Variants in PEAK1 observed in about 807,000 individuals in gnomAD.
PEAK1 encodes the protein pseudopodium enriched atypical kinase 1.
In PEAK1, 54 loss-of-function variants were observed where a neutral mutation model predicts 124.7. The observed-to-expected ratio is 0.43, with a 90% CI of 0.35 to 0.54. PEAK1 has a LOEUF of 0.54. Among genes scored for constraint, PEAK1 ranks in the 20% least tolerant of loss-of-function variants. The probability of loss-of-function intolerance (pLI) is 0.01; values close to 1 mark genes in which losing one functional copy is unlikely to be tolerated. For missense variants in PEAK1, 2,046 were observed against 2,134.5 expected (o/e 0.96, Z 0.82); for synonymous variants, 719 against 760.0 (o/e 0.95, Z 0.89).
At chr15:77,116,608 A>C (rs758618962) in intron 9 of PEAK1, among the ~76,000 whole-genome samples, 2 of 151,676 alleles carry the variant, frequency 1.3e-5, no homozygotes, top group Non-Finnish European at 2.9e-5. Context: ...GGAGAAAAGC[A>C]TCTCTCTCTC....
chr15:77,266,853 G>C (rs112813951), intron 5 of PEAK1, among the ~76,000 whole-genome samples: 8 of 152,254 alleles, frequency 5.3e-5, no homozygotes, highest in East Asian at 1.9e-4. Context: ...GAGCTGGATT[G>C]CTGCTGTAGG....
chr15:77,388,696 C>T (rs994476601), intron 1 of PEAK1, among the ~76,000 whole-genome samples: 13 of 151,818 alleles, frequency 8.6e-5, no homozygotes, highest in Non-Finnish European at 1.6e-4. Context: ...GTTAAATATA[C>T]ATAATGTTTC....
intron 8 of PEAK1, among the ~76,000 whole-genome samples, chr15:77,149,940 G>A (rs1258704233): frequency 6.6e-6 from 1 of 151,976 alleles, no homozygotes; most frequent in Non-Finnish European, 1.5e-5. Flanking sequence ...TGTAGAGATG[G>A]GGTTTTGCCA....
At chr15:77,332,226 T>C (rs1377538920) in intron 2 of PEAK1, 4 of 983,502 alleles carry the variant, frequency 4.1e-6, no homozygotes, top group Non-Finnish European at 4.8e-6. Flanking sequence ...GAGTCCTTTT[T>C]TGACAAAACA....
At chr15:77,226,431 AGTTC>A (rs2059681180) in intron 6 of PEAK1, among the ~76,000 whole-genome samples, 1 of 151,960 alleles carries the variant, frequency 6.6e-6, no homozygotes, top group South Asian at 2.1e-4. Flanking sequence ...TTATGTCCCA[AGTTC>A]ATGATATACC....
At chr15:77,151,684 T>G (rs1394729180) in intron 8 of PEAK1, among the ~76,000 whole-genome samples, 1 of 152,214 alleles carries the variant, frequency 6.6e-6, no homozygotes, top group Non-Finnish European at 1.5e-5. Flanking sequence ...AATTAATTTT[T>G]GTATAAGGTG....
intron 1 of PEAK1, among the ~76,000 whole-genome samples, chr15:77,399,030 T>C (rs2071131419): frequency 6.6e-6 from 1 of 150,966 alleles, no homozygotes; most frequent in African/African-American, 2.4e-5. Context: ...ATAAATAAAA[T>C]ACCTAGGAAT....
At chr15:77,402,519 T>A in intron 1 of PEAK1, 1 of 966,698 alleles carries the variant, frequency 1.0e-6, no homozygotes, top group Non-Finnish European at 1.2e-6. Flanking sequence ...AGTATATAAT[T>A]ATCATGTGAA....
rs985930884 is a variant in PEAK1 at position 77,230,177 on chromosome 15, C to T, written c.-115+22190G>A. 2.0e-5 allele frequency among the ~76,000 whole-genome samples: 3 copies of T among 150,996 alleles called. No individual in the cohort carries two copies. The Admixed American group carries it at 2.0e-4, about 10-fold the overall frequency. The stretch of plus-strand genomic sequence containing the variant: ...GTGAAGGAAGTGTCTGGAAAGACAT[C>T]ATGCAAGTGACAGCATTTGAGATAA... On this transcript the variant is annotated intron_variant, in intron 6 of 9. Transcript: ENST00000682557.
intron 9 of PEAK1, among the ~76,000 whole-genome samples, chr15:77,130,971 C>T (rs938529357): frequency 1.3e-5 from 2 of 152,184 alleles, no homozygotes; most frequent in African/African-American, 4.8e-5. Flanking sequence ...GAGGCAGAAC[C>T]AGGATCTGAA....
At chr15:77,246,341 T>C (rs1489686586) in intron 6 of PEAK1, among the ~76,000 whole-genome samples, 2 of 152,064 alleles carry the variant, frequency 1.3e-5, no homozygotes, top group East Asian at 3.9e-4. Context: ...TTATTCAATC[T>C]ATAGAACAAT....
intron 8 of PEAK1, among the ~76,000 whole-genome samples, chr15:77,142,948 T>A (rs1013141918): frequency 6.6e-6 from 1 of 152,194 alleles, no homozygotes; most frequent in Admixed American, 6.5e-5. Flanking sequence ...CTAACTGAAT[T>A]GCACACTTTA....
chr15:77,340,601 CAATATAA>C (rs2066469889), intron 2 of PEAK1, among the ~76,000 whole-genome samples: 1 of 152,082 alleles, frequency 6.6e-6, no homozygotes, highest in Non-Finnish European at 1.5e-5. Context: ...TGAAACTATA[CAATATAA>C]AGAGTGAACC....
At chr15:77,186,943 A>C (rs1182729389) in intron 6 of PEAK1, among the ~76,000 whole-genome samples, 1 of 152,236 alleles carries the variant, frequency 6.6e-6, no homozygotes, top group Non-Finnish European at 1.5e-5. Context: ...AACGCTCCCC[A>C]AATGGGAAAC....
At chr15:77,256,947 A>G (rs1233611906) in intron 5 of PEAK1, among the ~76,000 whole-genome samples, 2 of 149,626 alleles carry the variant, frequency 1.3e-5, no homozygotes, top group Non-Finnish European at 3.0e-5. Context: ...TCATTTTTCA[A>G]TTCCCACCTA....
intron 2 of PEAK1, among the ~76,000 whole-genome samples, chr15:77,322,780 G>A (rs918392735): frequency 6.6e-6 from 1 of 152,162 alleles, no homozygotes; most frequent in Non-Finnish European, 1.5e-5. Context: ...CTCATTTTAT[G>A]AGGCCAGCAT....
chr15:77,255,839 G>A lies in PEAK1; in HGVS notation c.-274-3313C>T, dbSNP rs147672635. On this transcript the variant is annotated intron_variant, in intron 5 of 9. Transcript: ENST00000682557. ...ATAGATATTAGATAACAAATTCTGA[G>A]CATTCTAACAGGGGACTGACCAGTA... Among the ~76,000 whole-genome samples the A allele has an allele frequency of 1.1e-3, 161 of 152,282 alleles. 2 individuals are homozygous for A. Among genetic ancestry groups the A allele is most frequent in the Non-Finnish European group, 1.9e-3 (129 of 68,012 alleles).
Position 77,133,850 on chromosome 15 carries a change from G to T in PEAK1, c.3332-100C>A. 7.8e-7 allele frequency: 1 copy of T among 1,277,372 alleles called. No individual in the cohort carries two copies. Among genetic ancestry groups the T allele is most frequent in the Non-Finnish European group, 1.0e-6 (1 of 954,850 alleles). The allele number at this position is 1,277,372 out of a possible 1,614,324, so 79.1% of individuals were successfully genotyped here. ...GCAGAAATGAGTGAGGTAGCCATGGGAATGTAAGAATAAGTCAACTCTTTA... is the reference window on the plus strand; with the variant it reads ...GCAGAAATGAGTGAGGTAGCCATGGTAATGTAAGAATAAGTCAACTCTTTA... On this transcript the variant is annotated intron_variant, in intron 8 of 9. Transcript: ENST00000682557. This position sits in a 1 kb window ranked among gnomAD's most constrained non-coding sequence, Gnocchi z 4.2.
intron 6 of PEAK1, among the ~76,000 whole-genome samples, chr15:77,242,493 C>A (rs1364057548): frequency 6.6e-6 from 1 of 152,042 alleles, no homozygotes; most frequent in Non-Finnish European, 1.5e-5. Flanking sequence ...AAGTGCATGT[C>A]TTTGAGGAAA....
Sources: gnomAD v4.1 joint callset for allele counts (sites outside exome capture counted in the v4.1 genomes callset) on GRCh38, gnomAD v4.1.1 for gene constraint, Gnocchi (gnomAD v3.1) non-coding constraint, MANE v1.5 for transcripts, NCBI Gene and HGNC (gene_info 2026-07-23, HGNC 2026-07-21) for gene names.